Variants in AGL observed in about 807,000 individuals in gnomAD.
AGL encodes amylo-alpha-1,6-glucosidase and 4-alpha-glucanotransferase.
A neutral mutation model predicts 199.3 loss-of-function variants in AGL; 128 were observed. That is an observed-to-expected ratio of 0.64 (90% CI 0.56 to 0.74). The LOEUF is 0.74. AGL is among the 30% of genes least tolerant of loss of function. The pLI is 0.00. For synonymous variants in AGL, 584 were observed against 594.7 expected, an observed-to-expected ratio of 0.98 and a Z score of 0.26; for missense variants, 1,809 against 1,820.8, an observed-to-expected ratio of 0.99 and a Z score of 0.12.
At chr1:99,874,507 G>GCACGTGCACA (rs200934829) in intron 7 of AGL, 180 bp from the exon 8 acceptor site, 192 of 611,554 alleles carry the variant, frequency 3.1e-4, no homozygotes, top group South Asian at 2.7e-3. Context: ...GCGCGTGCAC[G>GCACGTGCACA]CACGTGCACA....
At chr1:99,868,268 A>AT (rs1216629979) in intron 5 of AGL, among the ~76,000 whole-genome samples, 2 of 152,128 alleles carry the variant, frequency 1.3e-5, no homozygotes, top group Non-Finnish European at 2.9e-5. Context: ...TTTACAGTTG[A>AT]TTTTTGTTTC....
At chr1:99,864,340 T>G (rs1159542752) in intron 4 of AGL, 46 bp from the exon 5 acceptor site, 1 of 1,497,102 alleles carries the variant, frequency 6.7e-7, no homozygotes, top group Admixed American at 1.7e-5. Flanking sequence ...TAGGCTGGTT[T>G]TGTTTGTTTG....
chr1:99,907,659 GGTTTTT>G (rs1269120029), intron 27 of AGL, among the ~76,000 whole-genome samples: 1 of 117,322 alleles, frequency 8.5e-6, no homozygotes, highest in African/African-American at 3.0e-5. Flanking sequence ...TTGTTGTTTT[GGTTTTT>G]GTTTTTGTTC....
intron 7 of AGL, among the ~76,000 whole-genome samples, chr1:99,873,968 A>G (rs1251525466): frequency 6.6e-6 from 1 of 152,206 alleles, no homozygotes; most frequent in African/African-American, 2.4e-5. Flanking sequence ...ATCCTGTACC[A>G]GTTCTTAATT....
At chr1:99,912,658 T>C (rs565532634) in intron 29 of AGL, 141 bp downstream of exon 29, 1 of 701,224 alleles carries the variant, frequency 1.4e-6, no homozygotes, top group South Asian at 1.9e-5. Flanking sequence ...AATTTACTAG[T>C]GTGAAAATTG....
In AGL at chr1:99,896,036, G is replaced by T. The variant is rs568737793; in HGVS notation, c.3260-250G>T. 2.6e-5 allele frequency among the ~76,000 whole-genome samples: 4 copies of T among 152,324 alleles called. No individual in the cohort carries two copies. In the East Asian group the frequency reaches 7.7e-4, roughly 29 times the overall value. On this transcript the variant is annotated intron_variant, in intron 24 of 33. Coordinates refer to ENST00000361915, the MANE Select transcript of AGL (RefSeq NM_000642.3). ...CAATTTAGATAAGTATCTCTCTATA[G>T]CTCTGGTTCTTAATCTTCTTTAGGT...
Position 99,866,217 on chromosome 1 carries a change from A to G in AGL, c.664+1628A>G, listed in dbSNP as rs548121970. Among the ~76,000 whole-genome samples the G allele has an allele frequency of 1.2e-3, 186 of 152,354 alleles. 1 individual carries two copies. Among genetic ancestry groups the G allele is most frequent in the Non-Finnish European group, 1.8e-3 (121 of 68,020 alleles). On this transcript the variant is annotated intron_variant, in intron 5 of 33. Transcript: ENST00000361915. ...TCAAACCACATAAGGGCATTTTATGAGTTATAAATTGTATGAGTTAGGATA... is the reference window on the plus strand; with the variant it reads ...TCAAACCACATAAGGGCATTTTATGGGTTATAAATTGTATGAGTTAGGATA...
Position 99,876,566 on chromosome 1 carries a change from A to T in AGL, c.1392A>T (p.Gly464=). Residue 464 remains glycine, a synonymous_variant, in exon 11 of 34, where the codon GGA becomes GGT. Transcript: ENST00000361915. ...TGGCACACAATGGATGGGTAATGGG[A>T]GATGATCCTCTTCGAAACTTTGCTG... ...FLMAHNGWVM[G]DDPLRNFAEP... The T allele has an allele frequency of 1.2e-6, 2 of 1,614,056 alleles. No homozygotes were observed. Among genetic ancestry groups the T allele is most frequent in the Non-Finnish European group, 1.7e-6 (2 of 1,179,974 alleles).
At chr1:99,916,095 G>A (rs1655091738) in intron 31 of AGL, among the ~76,000 whole-genome samples, 1 of 151,870 alleles carries the variant, frequency 6.6e-6, no homozygotes. Context: ...ATATATTAGA[G>A]GCCTAGGAAA....
At position 99,890,931 on chromosome 1, in the gene AGL, C is replaced by G. The variant is rs76784737; in HGVS notation, c.2813-289C>G. Among the ~76,000 whole-genome samples, 2,016 of 152,192 alleles carry G rather than the reference C, an allele frequency of 0.013. 49 individuals carry two copies. Among genetic ancestry groups the G allele is most frequent in the African/African-American group, 0.046 (1,902 of 41,544 alleles). ...CCCTTGAATATTATAACATTAAAAT[C>G]CAAAAGAATAAGACCAGTCCCAGAA... On this transcript the variant is annotated intron_variant, in intron 21 of 33. Transcript: ENST00000361915.
chr1:99,916,719 T>C lies in AGL; in HGVS notation c.4469T>C (p.Val1490Ala). ...LVKNVLSRHY[V>A]HLERSPWKGL... ...AAAAATGTTCTTTCCCGACATTATG[T>C]TCATCTTGAGAGGTAAGTCATCAGG... The change falls in exon 33 of 34, where the codon GTT becomes GCT. Residue 1490 changes from valine to alanine, a missense_variant. Physicochemically the swap from Val to Ala is moderately conservative, Grantham distance 64 (BLOSUM62 0). Transcript: ENST00000361915. 6.2e-7 allele frequency: 1 copy of C among 1,613,318 alleles called. No individual in the cohort carries two copies. The highest frequency in any genetic ancestry group is 1.7e-4 in the Middle Eastern group (1 of 6,048).
Position 99,881,064 on chromosome 1 carries a change from GT to G in AGL, c.1900-10del. ...GAAAGCAAACTTTTGCTTTGTTGTT[GT>G]TGTCTTCTAGCATAGATCAGCGTAT... On this transcript the variant is annotated splice_polypyrimidine_tract_variant and intron_variant, in intron 14 of 33. Transcript: ENST00000361915. 1 of 1,608,822 alleles carries G rather than the reference GT, an allele frequency of 6.2e-7. No individual in the cohort carries two copies. The highest frequency in any genetic ancestry group is 2.2e-5 in the East Asian group (1 of 44,838).
Position 99,922,726 on chromosome 1 carries a change from T to A in AGL, c.*1075T>A, listed in dbSNP as rs886044931. On this transcript the variant is annotated 3_prime_UTR_variant, in exon 34 of 34. Transcript: ENST00000361915. ...GAACTTATTTCCTAGATAGAATTTT[T>A]TACTGTTTTTTACTGTTTTCTTAAG... 41 of 152,058 alleles carry A rather than the reference T, an allele frequency of 2.7e-4. No individual in the cohort carries two copies. Among genetic ancestry groups the A allele is most frequent in the Admixed American group, 6.5e-5 (1 of 15,270 alleles). 9.4% of individuals were successfully genotyped at this position (152,058 alleles called of 1,614,324 possible). A position where few individuals can be genotyped will look rare whatever the true frequency, so the allele number is the denominator to read the frequency against.
At chr1:99,919,774 G>C (rs557097219) in intron 33 of AGL, among the ~76,000 whole-genome samples, 2 of 152,046 alleles carry the variant, frequency 1.3e-5, no homozygotes, top group Non-Finnish European at 2.9e-5. Flanking sequence ...CCACCACATA[G>C]AGTCTGCTCA....
At position 99,888,058 on chromosome 1, in the gene AGL, G is replaced by C; in HGVS notation, c.2762G>C (p.Gly921Ala). Reference protein sequence around the residue: ...CESEEKEDGGGCYDIPNWSAL... With the variant: ...CESEEKEDGGACYDIPNWSAL... ...TCAGAAGAAAAGGAAGATGGTGGAG[G>C]GTGCTATGACATACCAAACTGGTCA... Residue 921 changes from glycine (G) to alanine (A), a missense_variant, in exon 21 of 34, where the codon GGG becomes GCG. Gly to Ala is a moderately conservative substitution (Grantham distance 60, BLOSUM62 0). Coordinates refer to ENST00000361915, the MANE Select transcript of AGL (RefSeq NM_000642.3). 1.2e-6 allele frequency: 2 copies of C among 1,613,524 alleles called. No homozygotes were observed. The highest frequency in any genetic ancestry group is 1.7e-6 in the Non-Finnish European group (2 of 1,179,682).
intron 10 of AGL, 88 bp downstream of exon 10, chr1:99,875,543 A>T: frequency 9.2e-7 from 1 of 1,090,030 alleles, no homozygotes; most frequent in South Asian, 1.3e-5. Context: ...GTTTTCTTTA[A>T]CATGTGAGTT....
intron 21 of AGL, among the ~76,000 whole-genome samples, chr1:99,888,858 C>A (rs1318046463): frequency 6.6e-6 from 1 of 152,116 alleles, no homozygotes; most frequent in Non-Finnish European, 1.5e-5. Flanking sequence ...TTTCATAAAA[C>A]CTTCTTTAAC....
At chr1:99,889,094 C>CT (rs1652679456) in intron 21 of AGL, among the ~76,000 whole-genome samples, 1 of 141,700 alleles carries the variant, frequency 7.1e-6, no homozygotes, top group Admixed American at 7.2e-5. Context: ...TACTTTTCCC[C>CT]TGCAAAATGG....
At chr1:99,852,484 C>T (rs1649047191) in intron 2 of AGL, 5 of 598,006 alleles carry the variant, frequency 8.4e-6, no homozygotes, top group African/African-American at 1.9e-5. Flanking sequence ...GTTCTCCTGC[C>T]TCAGCCTCCC....
Sources: allele counts gnomAD v4.1 joint callset (sites outside exome capture counted in the v4.1 genomes callset), GRCh38; gene constraint gnomAD v4.1.1; transcripts MANE v1.5; gene names NCBI Gene and HGNC (gene_info 2026-07-23, HGNC 2026-07-21).